CNNM2: variants seen among roughly 807,000 people sequenced by gnomAD.
CNNM2 encodes the protein cyclin and CBS domain divalent metal cation transport mediator 2.
A neutral mutation model predicts 66.9 loss-of-function variants in CNNM2; 12 were observed. The ratio of observed to expected loss-of-function variants is 0.18; its 90% CI spans 0.11 to 0.29. CNNM2 has a LOEUF of 0.29. Among genes scored for constraint, CNNM2 ranks in the 10% least tolerant of loss-of-function variants. The pLI is 1.00. For missense variants in CNNM2, 705 were observed against 1,167.7 expected, an observed-to-expected ratio of 0.60 and a Z score of 5.77; for synonymous variants, 557 against 501.8, an observed-to-expected ratio of 1.11 and a Z score of -1.47.
At chr10:102,948,375 A>G (rs933075175) in intron 1 of CNNM2, among the ~76,000 whole-genome samples, 3 of 152,288 alleles carry the variant, frequency 2.0e-5, no homozygotes, top group South Asian at 2.1e-4. Flanking sequence ...AGTAGGCGTC[A>G]ACTAGAGGAA....
chr10:103,021,037 G>C (rs550067555), intron 1 of CNNM2, among the ~76,000 whole-genome samples: 2 of 152,292 alleles, frequency 1.3e-5, no homozygotes, highest in South Asian at 4.1e-4. Flanking sequence ...CCCTATGGTG[G>C]AGTAACAGGG....
At chr10:103,056,006 T>C (rs528349595) in intron 3 of CNNM2, among the ~76,000 whole-genome samples, 1 of 151,722 alleles carries the variant, frequency 6.6e-6, no homozygotes, top group South Asian at 2.1e-4. Flanking sequence ...AAGAATCACT[T>C]GAACCCGGGA....
chr10:103,077,387 G>T lies in CNNM2; in HGVS notation c.*207G>T. On this transcript the variant is annotated 3_prime_UTR_variant, in exon 8 of 8. Transcript: ENST00000369878. Reference sequence around the variant, plus strand: ...CGAGAGATGTGAAGTTGGCAGCCGGGGCATGGCGTTCAAGATTTTGGAGAT... The same window carrying T: ...CGAGAGATGTGAAGTTGGCAGCCGGTGCATGGCGTTCAAGATTTTGGAGAT... 1.9e-6 allele frequency: 1 copy of T among 533,462 alleles called. No individual in the cohort carries two copies. Among genetic ancestry groups the T allele is most frequent in the Non-Finnish European group, 3.3e-6 (1 of 301,396 alleles). The allele number at this position is 533,462 out of a possible 1,614,324, so 33.0% of individuals were successfully genotyped here.
rs1297590492 is a variant in CNNM2 at position 103,083,242 on chromosome 10, T to G, written c.*6062T>G. ...CATGTATAGGATTGAGCTGATTGTC[T>G]TAATGAATGCATTTTATAATTCAAA... On this transcript the variant is annotated 3_prime_UTR_variant, in exon 8 of 8. Coordinates refer to ENST00000369878, the MANE Select transcript of CNNM2 (RefSeq NM_017649.5). 6.6e-6 allele frequency: 1 copy of G among 152,284 alleles called. No individual in the cohort carries two copies. The highest frequency in any genetic ancestry group is 2.4e-5 in the African/African-American group (1 of 41,474). The allele number at this position is 152,284 out of a possible 1,614,324, so 9.4% of individuals were successfully genotyped here.
chr10:103,000,232 G>A (rs943861969), intron 1 of CNNM2, among the ~76,000 whole-genome samples: 8 of 147,878 alleles, frequency 5.4e-5, no homozygotes, highest in South Asian at 4.3e-4. Flanking sequence ...GCGAAACTCC[G>A]TCTCAAAAAC....
At chr10:102,977,243 A>G (rs2063648969) in intron 1 of CNNM2, among the ~76,000 whole-genome samples, 2 of 152,086 alleles carry the variant, frequency 1.3e-5, no homozygotes, top group East Asian at 1.9e-4. Flanking sequence ...GGGAACAAGC[A>G]TTTTGGATTT....
In CNNM2 at chr10:103,084,290, C is replaced by T. The variant is rs2065783018; in HGVS notation, c.*7110C>T. 1 of 152,152 alleles carries T rather than the reference C, an allele frequency of 6.6e-6. No homozygotes were observed. Among genetic ancestry groups the T allele is most frequent in the African/African-American group, 2.4e-5 (1 of 41,422 alleles). 9.4% of individuals were successfully genotyped at this position (152,152 alleles called of 1,614,324 possible). Reference sequence around the variant, plus strand: ...TTGCAGTCTTTTACTTACACTTGTTCTGTGGATGGAGACATTTCAGGGAAG... The same window carrying T: ...TTGCAGTCTTTTACTTACACTTGTTTTGTGGATGGAGACATTTCAGGGAAG... On this transcript the variant is annotated 3_prime_UTR_variant, in exon 8 of 8. Transcript: ENST00000369878.
intron 1 of CNNM2, 44 bp downstream of exon 1, chr10:102,920,145 C>T (rs1845565868): frequency 3.7e-6 from 6 of 1,613,914 alleles, no homozygotes; most frequent in African/African-American, 1.3e-5. Flanking sequence ...CTTTCTCTCT[C>T]CATCCTCCTC....
At chr10:102,972,898 A>G (rs2063567771) in intron 1 of CNNM2, among the ~76,000 whole-genome samples, 1 of 152,198 alleles carries the variant, frequency 6.6e-6, no homozygotes, top group African/African-American at 2.4e-5. Context: ...GTAACTGTAC[A>G]ATCAAGTTTC....
intron 1 of CNNM2, among the ~76,000 whole-genome samples, chr10:102,938,546 G>A (rs1301967142): frequency 1.3e-5 from 2 of 148,870 alleles, no homozygotes; most frequent in African/African-American, 5.0e-5. Context: ...CTTGAGCCTG[G>A]GAAGTAGAGG....
intron 1 of CNNM2, among the ~76,000 whole-genome samples, chr10:102,922,609 C>G (rs1032189294): frequency 6.6e-6 from 1 of 152,112 alleles, no homozygotes; most frequent in Non-Finnish European, 1.5e-5. Context: ...ATTGTAACTC[C>G]CCAGACCAGT....
At chr10:102,955,442 A>G (rs140926334) in intron 1 of CNNM2, among the ~76,000 whole-genome samples, 5 of 152,360 alleles carry the variant, frequency 3.3e-5, no homozygotes, top group Admixed American at 2.6e-4. Flanking sequence ...CCTACGCAGT[A>G]CCATTCAGGA....
At chr10:103,020,005 C>A (rs149566265) in intron 1 of CNNM2, among the ~76,000 whole-genome samples, 2 of 152,298 alleles carry the variant, frequency 1.3e-5, no homozygotes, top group East Asian at 3.9e-4. Context: ...CCCATGGATT[C>A]TCTACAACGA....
In CNNM2 at chr10:102,919,899, C is replaced by T; in HGVS notation, c.1419C>T (p.Ile473=). 1.2e-6 allele frequency: 2 copies of T among 1,614,232 alleles called. No individual in the cohort carries two copies. The highest frequency in any genetic ancestry group is 4.5e-5 in the East Asian group (2 of 44,884). ...AILDFNTMSE[I]MESGYTRIPV... is the part of the protein sequence containing the mutation. The stretch of plus-strand genomic sequence containing the variant: ...TGGACTTCAACACCATGTCTGAGAT[C>T]ATGGAGAGCGGCTACACCCGCATTC... Residue 473 remains isoleucine (I), a synonymous_variant, in exon 1 of 8, where the codon ATC becomes ATT. Transcript: ENST00000369878.
intron 1 of CNNM2, among the ~76,000 whole-genome samples, chr10:102,937,771 G>T (rs1209480381): frequency 1.3e-5 from 2 of 148,240 alleles, no homozygotes; most frequent in African/African-American, 5.0e-5. Context: ...TCTTTTTCTG[G>T]ATGTATACAG....
At chr10:102,974,153 A>T (rs187078822) in intron 1 of CNNM2, among the ~76,000 whole-genome samples, 1 of 152,206 alleles carries the variant, frequency 6.6e-6, no homozygotes, top group African/African-American at 2.4e-5. Flanking sequence ...TTCACTTCAG[A>T]TGGAGGTGTG....
intron 1 of CNNM2, among the ~76,000 whole-genome samples, chr10:102,935,427 A>G (rs1156883891): frequency 2.0e-5 from 3 of 151,906 alleles, no homozygotes; most frequent in South Asian, 2.1e-4. Flanking sequence ...CACCTCTGCA[A>G]TCCAGTCTGA....
At chr10:102,960,392 T>C (rs557827399) in intron 1 of CNNM2, among the ~76,000 whole-genome samples, 115 of 152,344 alleles carry the variant, frequency 7.5e-4, no homozygotes, top group African/African-American at 2.6e-3. Context: ...ACGTTAATGT[T>C]ATTGCAATAA....
intron 1 of CNNM2, among the ~76,000 whole-genome samples, chr10:103,019,753 TTAAA>T (rs1392465685): frequency 6.6e-6 from 1 of 152,190 alleles, no homozygotes; most frequent in Non-Finnish European, 1.5e-5. Flanking sequence ...ACAGAGGAAT[TTAAA>T]TACACTGTTC....
Sources: gnomAD v4.1 joint callset for allele counts (sites outside exome capture counted in the v4.1 genomes callset) on GRCh38, gnomAD v4.1.1 for gene constraint, MANE v1.5 for transcripts, NCBI Gene and HGNC (gene_info 2026-07-23, HGNC 2026-07-21) for gene names.